ZBTB46: variants seen among roughly 807,000 people sequenced by gnomAD.
The protein encoded by ZBTB46 is zinc finger and BTB domain-containing protein 46.
A neutral mutation model predicts 44.1 loss-of-function variants in ZBTB46; 8 were observed. The observed-to-expected ratio is 0.18, with a 90% CI of 0.11 to 0.33. The LOEUF (loss-of-function observed/expected upper bound fraction) is 0.33, where lower values mean the gene tolerates loss of function less well. ZBTB46 is among the 10% of genes least tolerant of loss of function. The probability of loss-of-function intolerance (pLI) is 1.00; values close to 1 mark genes in which losing one functional copy is unlikely to be tolerated. For synonymous variants in ZBTB46, 409 were observed against 382.3 expected, an observed-to-expected ratio of 1.07 and a Z score of -0.81; for missense variants, 651 against 847.7, an observed-to-expected ratio of 0.77 and a Z score of 2.88.
chr20:63,797,076 T>C (rs750824776), intron 1 of ZBTB46, among the ~76,000 whole-genome samples: 25 of 152,172 alleles, frequency 1.6e-4, no homozygotes, highest in Non-Finnish European at 3.2e-4. Context: ...GTTACATACG[T>C]ACACATGTGC....
At chr20:63,799,639 C>T (rs1222093418) in intron 1 of ZBTB46, among the ~76,000 whole-genome samples, 2 of 152,234 alleles carry the variant, frequency 1.3e-5, no homozygotes, top group Non-Finnish European at 2.9e-5. Context: ...CAAGCCACCA[C>T]GTGTAGCCTG....
chr20:63,813,070 C>T (rs2146039104), intron 1 of ZBTB46, among the ~76,000 whole-genome samples: 1 of 114,002 alleles, frequency 8.8e-6, no homozygotes, highest in East Asian at 2.8e-4. Flanking sequence ...TATACTCCAG[C>T]CTGGTGAGAG....
chr20:63,802,630 G>A (rs2092655192), intron 1 of ZBTB46, among the ~76,000 whole-genome samples: 1 of 147,406 alleles, frequency 6.8e-6, no homozygotes, highest in Non-Finnish European at 1.5e-5. Flanking sequence ...CACCCTCCCA[G>A]GAACCGCGGT....
At chr20:63,786,440 C>T (rs2092514949) in intron 2 of ZBTB46, among the ~76,000 whole-genome samples, 1 of 152,182 alleles carries the variant, frequency 6.6e-6, no homozygotes, top group African/African-American at 2.4e-5. Context: ...GACAGCCTCA[C>T]GATGGAGCAC....
At chr20:63,812,715 G>T (rs192584187) in intron 1 of ZBTB46, among the ~76,000 whole-genome samples, 3,091 of 152,214 alleles carry the variant, frequency 0.02, 48 homozygotes, top group Non-Finnish European at 0.03. Flanking sequence ...GGAGGTGGGG[G>T]TTGCCATGAG....
At chr20:63,832,023 C>T (rs2092854896), upstream of ZBTB46, among the ~76,000 whole-genome samples, 1 of 152,004 alleles carries the variant, frequency 6.6e-6, no homozygotes, top group Non-Finnish European at 1.5e-5. The surrounding 1 kb of genome is among the most constrained non-coding windows in gnomAD (Gnocchi z 5.0). Context: ...GCCAGTGGGG[C>T]TCGCTTTTGG....
At chr20:63,786,760 T>C (rs528535313) in intron 2 of ZBTB46, among the ~76,000 whole-genome samples, 1 of 152,286 alleles carries the variant, frequency 6.6e-6, no homozygotes, top group Non-Finnish European at 1.5e-5. Context: ...TCCGCCCGCC[T>C]TGGCCTCCCA....
intron 3 of ZBTB46, among the ~76,000 whole-genome samples, chr20:63,754,574 G>A (rs1236859654): frequency 6.6e-6 from 1 of 151,946 alleles, no homozygotes; most frequent in Non-Finnish European, 1.5e-5. Flanking sequence ...GGGGATTATA[G>A]GTGTGAGCCA....
chr20:63,808,952 G>C (rs1252143545), intron 1 of ZBTB46, among the ~76,000 whole-genome samples: 1 of 146,944 alleles, frequency 6.8e-6, no homozygotes, highest in Non-Finnish European at 1.5e-5. Context: ...ACTCCAGCCT[G>C]GGCGGCAGAG....
intron 1 of ZBTB46, among the ~76,000 whole-genome samples, chr20:63,804,825 G>C (rs2092671424): frequency 6.6e-6 from 1 of 151,756 alleles, no homozygotes; most frequent in Admixed American, 6.6e-5. Context: ...CTGGGAGGCG[G>C]AGGTTGCAGT....
At chr20:63,805,480 A>G (rs2092675357) in intron 1 of ZBTB46, among the ~76,000 whole-genome samples, 1 of 152,152 alleles carries the variant, frequency 6.6e-6, no homozygotes, top group African/African-American at 2.4e-5. Flanking sequence ...GGAAAAAAAA[A>G]GACACAGGGA....
At chr20:63,782,318 C>A (rs1003115723) in intron 2 of ZBTB46, among the ~76,000 whole-genome samples, 9 of 151,964 alleles carry the variant, frequency 5.9e-5, no homozygotes, top group African/African-American at 2.2e-4. Flanking sequence ...ACCAGGGCCC[C>A]GTCAGCAGAG....
At chr20:63,769,615 A>G (rs2092349861) in intron 3 of ZBTB46, among the ~76,000 whole-genome samples, 1 of 152,156 alleles carries the variant, frequency 6.6e-6, no homozygotes, top group Non-Finnish European at 1.5e-5. Flanking sequence ...CTAGGAGCCA[A>G]GTGATTCCAA....
intron 1 of ZBTB46, among the ~76,000 whole-genome samples, chr20:63,800,358 C>T (rs982541915): frequency 2.0e-5 from 3 of 152,186 alleles, no homozygotes; most frequent in African/African-American, 2.4e-5. Context: ...GGAGAGGCTG[C>T]GGGAAGCTCC....
chr20:63,792,933 C>A (rs1601482839), intron 1 of ZBTB46, among the ~76,000 whole-genome samples: 4 of 152,206 alleles, frequency 2.6e-5, no homozygotes, highest in African/African-American at 7.2e-5. Context: ...CCTGGGCCAT[C>A]CCCTCCTTGG....
intron 1 of ZBTB46, among the ~76,000 whole-genome samples, chr20:63,807,841 A>T (rs989781320): frequency 6.6e-6 from 1 of 152,242 alleles, no homozygotes; most frequent in Non-Finnish European, 1.5e-5. Flanking sequence ...TCTCACTCCC[A>T]GAGCGGGGCT....
chr20:63,747,880 T>A (rs1050697089), intron 4 of ZBTB46, among the ~76,000 whole-genome samples: 5 of 152,200 alleles, frequency 3.3e-5, no homozygotes, highest in Non-Finnish European at 7.4e-5. Flanking sequence ...ACCACCGGCC[T>A]CTGCCTAAAA....
intron 2 of ZBTB46, among the ~76,000 whole-genome samples, chr20:63,780,425 A>C (rs1012886192): frequency 6.6e-6 from 1 of 152,200 alleles, no homozygotes; most frequent in East Asian, 1.9e-4. Context: ...AGCTGATCTC[A>C]CGCCACATAC....
rs763122234 is a variant in ZBTB46, at chr20:63,752,649, G to C, written c.1398+37C>G. On this transcript the variant is annotated intron_variant, in intron 4 of 4. Coordinates refer to ENST00000245663, the MANE Select transcript of ZBTB46 (RefSeq NM_001369741.1). This position sits in a 1 kb window ranked among gnomAD's most constrained non-coding sequence, Gnocchi z 5.6. ...CCGCCTGCCCGGACATCGTGGCCACGCGCAGCGCGCGGCACGCGGACCCTC... is the reference window on the plus strand; with the variant it reads ...CCGCCTGCCCGGACATCGTGGCCACCCGCAGCGCGCGGCACGCGGACCCTC... 1 of 1,477,120 alleles carries C rather than the reference G, an allele frequency of 6.8e-7. No individual in the cohort carries two copies. The highest frequency in any genetic ancestry group is 2.5e-5 in the East Asian group (1 of 40,190). The allele number at this position is 1,477,120 out of a possible 1,614,324, so 91.5% of individuals were successfully genotyped here. A position where few individuals can be genotyped will look rare whatever the true frequency, so the allele number is the denominator to read the frequency against.
Sources: allele counts gnomAD v4.1 joint callset (sites outside exome capture counted in the v4.1 genomes callset), GRCh38; gene constraint gnomAD v4.1.1; non-coding constraint Gnocchi (gnomAD v3.1); transcripts MANE v1.5; gene names NCBI Gene and HGNC (gene_info 2026-07-23, HGNC 2026-07-21).